The following MYBPC1 variants were observed in gnomAD, a reference collection of about 807,000 sequenced individuals.
MYBPC1 encodes the protein myosin-binding protein C, slow-type.
A neutral mutation model predicts 147.1 loss-of-function variants in MYBPC1; 52 were observed. That is an observed-to-expected ratio of 0.35 (90% CI 0.28 to 0.45). The LOEUF is 0.45. Among genes scored for constraint, MYBPC1 ranks in the 20% least tolerant of loss-of-function variants. MYBPC1 has a pLI of 1.00. For synonymous variants in MYBPC1, 477 were observed against 475.9 expected, an observed-to-expected ratio of 1.00 and a Z score of -0.03; for missense variants, 1,228 against 1,440.3, an observed-to-expected ratio of 0.85 and a Z score of 2.39.
the MYBPC1 span, among the ~76,000 whole-genome samples, chr12:101,692,601 A>T: frequency 2.6e-5 from 4 of 152,338 alleles, no homozygotes; most frequent in Non-Finnish European, 5.9e-5. Context: ...GAGTAAGTGA[A>T]ATAACTCCTG....
Position 101,680,502 on chromosome 12 carries a change from G to A in MYBPC1, c.3406G>A (p.Glu1136Lys). ...CKAVNDLGTV[E>K]IECKLEVKVI... is the part of the protein sequence containing the mutation. ...AGCAGTCAATGACCTTGGGACAGTG[G>A]AGATTGAATGCAAACTGGAGGTGAA... Residue 1136 changes from glutamate (E) to lysine (K), a missense_variant, in exon 29 of 32, where the codon GAG (glutamate) becomes AAG (lysine). Physicochemically the swap from Glu to Lys is moderately conservative, Grantham distance 56. Around this residue, in one of 2 missense-constraint regions of MYBPC1, gnomAD observed 1,077 missense variants for 1,314.2 expected, o/e 0.82. Transcript: ENST00000361466. 2 of 1,614,116 alleles carry A rather than the reference G, an allele frequency of 1.2e-6. No individual in the cohort carries two copies. The highest frequency in any genetic ancestry group is 1.7e-6 in the Non-Finnish European group (2 of 1,179,976).
intron 26 of MYBPC1, among the ~76,000 whole-genome samples, chr12:101,676,719 C>T (rs992783246): frequency 6.6e-6 from 1 of 151,914 alleles, no homozygotes; most frequent in Admixed American, 6.6e-5. Flanking sequence ...TCACTGCACT[C>T]CAGCCTGGGT....
chr12:101,609,088 C>T (rs1012245101), intron 1 of MYBPC1, among the ~76,000 whole-genome samples: 5 of 152,030 alleles, frequency 3.3e-5, no homozygotes, highest in Admixed American at 3.3e-4. Flanking sequence ...GGGCCTTGTC[C>T]TCAAGAAGCT....
intron 29 of MYBPC1, among the ~76,000 whole-genome samples, chr12:101,681,463 A>G (rs533258665): frequency 4.7e-4 from 70 of 147,616 alleles, no homozygotes; most frequent in African/African-American, 1.6e-3. Context: ...AATCATAGTA[A>G]ATGCTTGGGT....
chr12:101,628,983 AGACAG>A, intron 5 of MYBPC1: 1 of 234,784 alleles, frequency 4.3e-6, no homozygotes, highest in South Asian at 6.6e-5. Context: ...GACCCTTGTC[AGACAG>A]TTTACCCTCC....
chr12:101,645,631 A>G (rs1892940567), intron 12 of MYBPC1, among the ~76,000 whole-genome samples: 1 of 152,202 alleles, frequency 6.6e-6, no homozygotes, highest in South Asian at 2.1e-4. Flanking sequence ...TCTCTTGAAG[A>G]TGGCCTGAAT....
chr12:101,627,844 A>G, intron 5 of MYBPC1, 40 bp downstream of exon 5: 1 of 1,582,912 alleles, frequency 6.3e-7, no homozygotes, highest in Non-Finnish European at 8.7e-7. Flanking sequence ...ACCTCATCCT[A>G]ATACAATCAC....
At chr12:101,654,178 G>C (rs1895107147) in intron 18 of MYBPC1, among the ~76,000 whole-genome samples, 1 of 152,142 alleles carries the variant, frequency 6.6e-6, no homozygotes, top group South Asian at 2.1e-4. Flanking sequence ...CTGCACTCCA[G>C]CTGGGTGACA....
chr12:101,662,670 G>C, intron 21 of MYBPC1, 124 bp downstream of exon 21: 1 of 1,045,122 alleles, frequency 9.6e-7, no homozygotes, highest in Non-Finnish European at 1.4e-6. Context: ...GCAGGAGCTT[G>C]AAACAGTTAG....
chr12:101,620,220 T>C (rs1887063031), intron 3 of MYBPC1, among the ~76,000 whole-genome samples: 1 of 152,192 alleles, frequency 6.6e-6, no homozygotes, highest in Non-Finnish European at 1.5e-5. Context: ...CAAATCTCCT[T>C]TAGAGGAATC....
At chr12:101,693,132 G>A in the MYBPC1 span, among the ~76,000 whole-genome samples, 2 of 151,936 alleles carry the variant, frequency 1.3e-5, no homozygotes, top group African/African-American at 4.8e-5. Flanking sequence ...ATTTTTAGTA[G>A]AGACAGGGCT....
intron 3 of MYBPC1, among the ~76,000 whole-genome samples, chr12:101,625,415 C>T (rs1191033446): frequency 6.6e-6 from 1 of 152,114 alleles, no homozygotes; most frequent in African/African-American, 2.4e-5. Context: ...TTATACCTTG[C>T]GTAAGTCCTC....
intron 3 of MYBPC1, among the ~76,000 whole-genome samples, chr12:101,623,175 C>T (rs893509966): frequency 3.3e-5 from 5 of 152,106 alleles, no homozygotes; most frequent in Non-Finnish European, 7.4e-5. Context: ...CCTGTCTCTA[C>T]TAAAAATACA....
intron 6 of MYBPC1, 145 bp from the exon 7 acceptor site, chr12:101,631,426 A>G: frequency 1.0e-6 from 1 of 964,658 alleles, no homozygotes; most frequent in South Asian, 1.4e-5. Flanking sequence ...ATTCATAAAA[A>G]AATCAGGACG....
intron 1 of MYBPC1, among the ~76,000 whole-genome samples, chr12:101,607,272 A>G (rs971176325): frequency 2.0e-4 from 31 of 152,176 alleles, no homozygotes; most frequent in African/African-American, 5.3e-4. Flanking sequence ...GTCAGACCCC[A>G]CCATCAAGAG....
chr12:101,677,201 A>T, intron 26 of MYBPC1, 34 bp from the exon 27 acceptor site: 1 of 1,598,552 alleles, frequency 6.3e-7, no homozygotes, highest in Non-Finnish European at 8.6e-7. Flanking sequence ...CTTTTAGGTG[A>T]TTTTCCTCCA....
At chr12:101,659,587 G>T in intron 18 of MYBPC1, 85 bp from the exon 19 acceptor site, 3 of 1,402,124 alleles carry the variant, frequency 2.1e-6, no homozygotes, top group South Asian at 1.2e-5. Context: ...TCTATAGTCT[G>T]CTGAATTGCT....
At chr12:101,691,437 C>A in the MYBPC1 span, among the ~76,000 whole-genome samples, 1 of 152,204 alleles carries the variant, frequency 6.6e-6, no homozygotes, top group African/African-American at 2.4e-5. Flanking sequence ...CCATGGGCTT[C>A]CAACTGGTTA....
At chr12:101,664,736 C>CA (rs1897150298) in intron 22 of MYBPC1, 1 of 152,250 alleles carries the variant, frequency 6.6e-6, no homozygotes, top group African/African-American at 2.4e-5. Context: ...CTACTCCACA[C>CA]ACAGAGTCCT....
Sources: allele counts gnomAD v4.1 joint callset (sites outside exome capture counted in the v4.1 genomes callset), GRCh38; gene constraint gnomAD v4.1.1; regional missense constraint gnomAD v4.1.1; transcripts MANE v1.5; gene names NCBI Gene and HGNC (gene_info 2026-07-23, HGNC 2026-07-21).